The following TRPM3 variants were observed in gnomAD, a reference collection of about 807,000 sequenced individuals.
The protein encoded by TRPM3 is long transient receptor potential channel 3.
Under a neutral mutation model 181.2 loss-of-function variants are expected in TRPM3, and 77 were observed. The ratio of observed to expected loss-of-function variants is 0.42; its 90% CI spans 0.35 to 0.51. TRPM3 has a LOEUF of 0.51. TRPM3 is among the 20% of genes least tolerant of loss of function. The pLI, the probability that TRPM3 is intolerant of heterozygous loss-of-function variation, is 0.01. For missense variants in TRPM3, 1,759 were observed against 2,196.7 expected (o/e 0.80, Z 3.98); for synonymous variants, 745 against 796.4 (o/e 0.94, Z 1.09).
intron 1 of TRPM3, among the ~76,000 whole-genome samples, chr9:71,331,877 A>AGAAGAGGAGACGGAG (rs2090194766): frequency 6.9e-4 from 1 of 1,440 alleles, no homozygotes; most frequent in Non-Finnish European, 1.3e-3. Flanking sequence ...GGAGGAAGAA[A>AGAAGAGGAGACGGAG]GAGGAGGAAG....
intron 1 of TRPM3, among the ~76,000 whole-genome samples, chr9:71,082,055 G>C (rs2064443819): frequency 6.6e-6 from 1 of 152,114 alleles, no homozygotes; most frequent in South Asian, 2.1e-4. Flanking sequence ...AGTAGAAAAA[G>C]TGAATCTGAC....
chr9:71,066,827 C>T (rs1055738225), intron 1 of TRPM3, among the ~76,000 whole-genome samples: 2 of 152,080 alleles, frequency 1.3e-5, no homozygotes, highest in African/African-American at 4.8e-5. Flanking sequence ...CTCTCTTGGC[C>T]CCTGTTCCCT....
At chr9:71,398,708 CT>C (rs1268891049) in intron 1 of TRPM3, among the ~76,000 whole-genome samples, 1 of 152,162 alleles carries the variant, frequency 6.6e-6, no homozygotes, top group Non-Finnish European at 1.5e-5. Context: ...AATTAAACCC[CT>C]TTTCTTCATA....
intron 19 of TRPM3, 37 bp from the exon 20 acceptor site, chr9:70,603,507 G>A (rs1443898686): frequency 1.2e-6 from 2 of 1,608,320 alleles, no homozygotes; most frequent in Non-Finnish European, 1.7e-6. Context: ...TGGCTGTTCA[G>A]GCCCAGGAGC....
At position 71,097,516 on chromosome 9, in the gene TRPM3, C is replaced by A. The variant is rs572682873; in HGVS notation, c.177+23662G>T. 1.9e-3 allele frequency among the ~76,000 whole-genome samples: 295 copies of A among 152,150 alleles called. 2 individuals carry two copies. Among genetic ancestry groups the A allele is most frequent in the Non-Finnish European group, 3.2e-3 (220 of 67,990 alleles). On this transcript the variant is annotated intron_variant, in intron 1 of 25. Transcript: ENST00000677713. ...CTTCCAAACTTCTCTTAGCTTAAAA[C>A]TTACTTATCACAGAGAACTTTCTGA...
chr9:71,435,591 T>C (rs1198724348), intron 1 of TRPM3, among the ~76,000 whole-genome samples: 3 of 152,226 alleles, frequency 2.0e-5, no homozygotes, highest in Non-Finnish European at 4.4e-5. Flanking sequence ...GTATTTATCA[T>C]GGATTTAAAG....
chr9:71,155,505 T>TATTTTATTTTATTTTATTTTATTTC, intron 1 of TRPM3, among the ~76,000 whole-genome samples: 1 of 147,648 alleles, frequency 6.8e-6, no homozygotes, highest in Non-Finnish European at 1.5e-5. Context: ...TATTTTATTT[T>TATTTTATTTTATTTTATTTTATTTC]ATTTTATTTT....
chr9:71,397,300 C>T (rs1004677017), intron 1 of TRPM3, among the ~76,000 whole-genome samples: 1 of 152,068 alleles, frequency 6.6e-6, no homozygotes, highest in Non-Finnish European at 1.5e-5. Flanking sequence ...CATATATTTT[C>T]CAATACTATT....
intron 1 of TRPM3, among the ~76,000 whole-genome samples, chr9:71,038,191 A>G (rs1210491333): frequency 6.6e-6 from 1 of 152,224 alleles, no homozygotes; most frequent in Non-Finnish European, 1.5e-5. Context: ...GAAGAAGCGC[A>G]TATTAGGCAT....
intron 6 of TRPM3, among the ~76,000 whole-genome samples, chr9:70,788,010 T>TC (rs2130932331): frequency 6.7e-6 from 1 of 150,132 alleles, no homozygotes; most frequent in East Asian, 1.9e-4. Flanking sequence ...TCCTGACTTT[T>TC]TTTTTTTTTT....
intron 1 of TRPM3, among the ~76,000 whole-genome samples, chr9:71,050,187 G>T (rs748071396): frequency 6.6e-5 from 10 of 152,140 alleles, no homozygotes; most frequent in Non-Finnish European, 1.5e-4. Flanking sequence ...TTGTTAAATG[G>T]GGATTATGAC....
intron 1 of TRPM3, among the ~76,000 whole-genome samples, chr9:70,993,109 C>T (rs531250058): frequency 7.2e-5 from 11 of 152,232 alleles, no homozygotes; most frequent in Admixed American, 3.3e-4. Flanking sequence ...GAGCTGGTAC[C>T]ATATTGTAGG....
intron 1 of TRPM3, among the ~76,000 whole-genome samples, chr9:71,366,016 G>A (rs2092324900): frequency 6.6e-6 from 1 of 152,076 alleles, no homozygotes; most frequent in Non-Finnish European, 1.5e-5. Context: ...GCCTTTCTGA[G>A]GTTCCATTTG....
In TRPM3 at chr9:71,121,523, C is replaced by T. The variant is rs2073639993; in HGVS notation, c.-169G>A. 7.1e-7 allele frequency: 1 copy of T among 1,400,680 alleles called. No homozygotes were observed. The highest frequency in any genetic ancestry group is 9.3e-7 in the Non-Finnish European group (1 of 1,080,808). The allele number at this position is 1,400,680 out of a possible 1,614,324, so 86.8% of individuals were successfully genotyped here. ...CCAAATGTGGCTGAATGGAGGCACA[C>T]TGCCTGCTGCTTCGGGGAGGGGATG... is the stretch of plus-strand genomic sequence containing the variant. On this transcript the variant is annotated 5_prime_UTR_variant, in exon 1 of 26. In the 5' UTR this introduces an upstream ATG that the reference lacks. Transcript: ENST00000677713.
chr9:71,145,332 A>C (rs2075345840), intron 1 of TRPM3, among the ~76,000 whole-genome samples: 1 of 152,172 alleles, frequency 6.6e-6, no homozygotes, highest in Non-Finnish European at 1.5e-5. Flanking sequence ...GAAGAGAGTG[A>C]ATGTGGGCAT....
intron 21 of TRPM3, among the ~76,000 whole-genome samples, chr9:70,591,584 T>C (rs1367227081): frequency 6.6e-6 from 1 of 152,162 alleles, no homozygotes; most frequent in Non-Finnish European, 1.5e-5. Flanking sequence ...GAGGCAAGTG[T>C]CCTCTTTGGG....
At chr9:70,616,502 T>C (rs1259676163) in intron 17 of TRPM3, among the ~76,000 whole-genome samples, 2 of 86,876 alleles carry the variant, frequency 2.3e-5, no homozygotes, top group South Asian at 1.2e-3. Flanking sequence ...CATACATCTG[T>C]CCACTGGCAT....
At position 70,537,436 on chromosome 9, in the gene TRPM3, C is replaced by A. The variant is rs762029768; in HGVS notation, c.3708-31G>T. 10 of 1,412,990 alleles carry A rather than the reference C, an allele frequency of 7.1e-6. No individual in the cohort carries two copies. The Admixed American group carries it at 7.9e-5, about 11-fold the overall frequency. The allele number at this position is 1,412,990 out of a possible 1,614,324, so 87.5% of individuals were successfully genotyped here. ...CGAGGAAGAGAGAATGAGAGTCACT[C>A]GGCCTGGTTCCTCTGCTGGGGCTTT... is the stretch of plus-strand genomic sequence containing the variant. On this transcript the variant is annotated intron_variant, in intron 25 of 25. Transcript: ENST00000677713.
At chr9:70,595,507 T>C (rs1036175845) in intron 21 of TRPM3, among the ~76,000 whole-genome samples, 2 of 152,226 alleles carry the variant, frequency 1.3e-5, no homozygotes, top group African/African-American at 4.8e-5. Context: ...AATAAGGAAT[T>C]ATACAGCCCA....
Sources: allele counts gnomAD v4.1 joint callset (sites outside exome capture counted in the v4.1 genomes callset), GRCh38; gene constraint gnomAD v4.1.1; transcripts MANE v1.5; gene names NCBI Gene and HGNC (gene_info 2026-07-23, HGNC 2026-07-21).